Variants in C11orf58 observed in about 807,000 individuals in gnomAD.
C11orf58 encodes the protein chromosome 11 open reading frame 58, also known as small acidic protein.
C11orf58 carries 5 observed loss-of-function variants against 22.7 expected under a neutral mutation model. That is an observed-to-expected ratio of 0.22 (90% CI 0.12 to 0.46). C11orf58 has a LOEUF of 0.46. C11orf58 is among the 20% of genes least tolerant of loss of function. C11orf58 has a pLI of 0.99. For missense variants in C11orf58, 151 were observed against 223.3 expected (o/e 0.68, Z 2.06); for synonymous variants, 71 against 70.7 (o/e 1.00, Z -0.02).
intron 1 of C11orf58, among the ~76,000 whole-genome samples, chr11:16,741,273 A>C (rs1251171840): frequency 6.6e-6 from 1 of 152,198 alleles, no homozygotes; most frequent in Non-Finnish European, 1.5e-5. Flanking sequence ...ATACAACTCT[A>C]GAAAAACGCT....
At chr11:16,753,089 G>A (rs1251753359) in intron 4 of C11orf58, among the ~76,000 whole-genome samples, 195 bp downstream of exon 4, 1 of 152,054 alleles carries the variant, frequency 6.6e-6, no homozygotes, top group Non-Finnish European at 1.5e-5. Context: ...ATTTTGTGTG[G>A]GGTTGTTTTT....
intron 3 of C11orf58, chr11:16,750,977 A>C (rs561055778): frequency 6.6e-6 from 1 of 152,330 alleles, no homozygotes; most frequent in Non-Finnish European, 1.5e-5. Context: ...GATGTGCTTA[A>C]AATTTTCAAC....
intron 4 of C11orf58, among the ~76,000 whole-genome samples, chr11:16,753,287 C>G (rs1331387428): frequency 6.6e-6 from 1 of 151,386 alleles, no homozygotes; most frequent in East Asian, 2.0e-4. Context: ...AGGCTGGCCT[C>G]AAACTCCTGA....
At position 16,758,163 on chromosome 11, in the gene C11orf58, G is replaced by GT; in HGVS notation, c.*3060dup. The stretch of plus-strand genomic sequence containing the variant: ...TAGGGCGTAGTCTGTTTCCACCTCT[G>GT]TAAGTCCTATCTAGGCTTCCTGATC... On this transcript the variant is annotated 3_prime_UTR_variant, in exon 5 of 5. Transcript: ENST00000228136. 6.6e-6 allele frequency among the ~76,000 whole-genome samples: 1 copy of GT among 152,120 alleles called. No individual in the cohort carries two copies. Among genetic ancestry groups the GT allele is most frequent in the Admixed American group, 6.6e-5 (1 of 15,254 alleles).
Position 16,752,898 on chromosome 11 carries a change from G to C in C11orf58, c.318+4G>C. ...TTGTGGACTTGGCTTCAGTGAGGTAGTAATTAACTTATTTTCATTGGGAAG... is the reference window on the plus strand; with the variant it reads ...TTGTGGACTTGGCTTCAGTGAGGTACTAATTAACTTATTTTCATTGGGAAG... On this transcript the variant is annotated splice_donor_region_variant and intron_variant, in intron 4 of 4. Transcript: ENST00000228136. 1.3e-6 allele frequency: 2 copies of C among 1,591,428 alleles called. No individual in the cohort carries two copies. Among genetic ancestry groups the C allele is most frequent in the African/African-American group, 2.7e-5 (2 of 74,266 alleles).
Position 16,755,271 on chromosome 11 carries a change from G to A in C11orf58, c.*167G>A. On this transcript the variant is annotated 3_prime_UTR_variant, in exon 5 of 5. Coordinates refer to ENST00000228136, the MANE Select transcript of C11orf58 (RefSeq NM_014267.6). ...AATGCCATGGGTTACACTTTTATGG[G>A]CATGACTATAACCATTTTTGTAAAG... The A allele has an allele frequency of 1.3e-6, 1 of 744,788 alleles. No homozygotes were observed. The allele number at this position is 744,788 out of a possible 1,614,324, so 46.1% of individuals were successfully genotyped here. A position where few individuals can be genotyped will look rare whatever the true frequency, so the allele number is the denominator to read the frequency against.
intron 1 of C11orf58, among the ~76,000 whole-genome samples, chr11:16,743,266 A>G (rs1467844980): frequency 6.6e-6 from 1 of 152,128 alleles, no homozygotes; most frequent in Non-Finnish European, 1.5e-5. Flanking sequence ...TTTGATGCAT[A>G]AACATTGTAA....
In C11orf58 at chr11:16,738,720, T is replaced by C; in HGVS notation, c.-59T>C. The C allele has an allele frequency of 6.3e-7, 1 of 1,590,832 alleles. No homozygotes were observed. Reference sequence around the variant, plus strand: ...CCTTGGCGGATTGTAAGCTGCTGGTTTTGCGGCTGGGAAGAGCGGCGAGAG... The same window carrying C: ...CCTTGGCGGATTGTAAGCTGCTGGTCTTGCGGCTGGGAAGAGCGGCGAGAG... On this transcript the variant is annotated 5_prime_UTR_variant, in exon 1 of 5. Coordinates refer to ENST00000228136, the MANE Select transcript of C11orf58 (RefSeq NM_014267.6).
chr11:16,748,024 C>A, intron 2 of C11orf58, 73 bp from the exon 3 acceptor site: 1 of 1,158,840 alleles, frequency 8.6e-7, no homozygotes, highest in Non-Finnish European at 1.3e-6. Flanking sequence ...GAATAGTTTT[C>A]AGCACATAGT....
intron 1 of C11orf58, 30 bp downstream of exon 1, chr11:16,738,871 T>C (rs199644911): frequency 1.9e-6 from 3 of 1,613,130 alleles, no homozygotes; most frequent in Non-Finnish European, 2.5e-6. Context: ...TGGCTGAGGG[T>C]TGAGGCCTAC....
intron 1 of C11orf58, among the ~76,000 whole-genome samples, chr11:16,743,625 G>A (rs1238821815): frequency 6.6e-6 from 1 of 152,138 alleles, no homozygotes; most frequent in Non-Finnish European, 1.5e-5. Flanking sequence ...GAAAAATTGT[G>A]AATTCCCATC....
In C11orf58 at chr11:16,757,621, T is replaced by A. The variant is rs561113341; in HGVS notation, c.*2517T>A. Reference sequence around the variant, plus strand: ...TGTCTTGGTATCCATACTAAAAAAGTATCAGGAAAATAGATTATTTTTGTG... The same window carrying A: ...TGTCTTGGTATCCATACTAAAAAAGAATCAGGAAAATAGATTATTTTTGTG... On this transcript the variant is annotated 3_prime_UTR_variant, in exon 5 of 5. Coordinates refer to ENST00000228136, the MANE Select transcript of C11orf58 (RefSeq NM_014267.6). Among the ~76,000 whole-genome samples, 3 of 152,332 alleles carry A rather than the reference T, an allele frequency of 2.0e-5. No homozygotes were observed. The East Asian group carries it at 5.8e-4, about 29-fold the overall frequency.
At chr11:16,748,210 T>C in intron 3 of C11orf58, 53 bp downstream of exon 3, 6 of 1,384,448 alleles carry the variant, frequency 4.3e-6, no homozygotes, top group Non-Finnish European at 6.2e-6. Flanking sequence ...GAATATGAAG[T>C]ATGTGTTCAT....
intron 1 of C11orf58, among the ~76,000 whole-genome samples, chr11:16,741,787 G>C (rs970981687): frequency 6.6e-6 from 1 of 152,196 alleles, no homozygotes; most frequent in East Asian, 1.9e-4. Flanking sequence ...AATGCCAGAT[G>C]ATCTGTCATT....
chr11:16,754,541 CTCT>C (rs1848558974), intron 4 of C11orf58, among the ~76,000 whole-genome samples: 2 of 91,914 alleles, frequency 2.2e-5, no homozygotes, highest in Non-Finnish European at 4.6e-5. Context: ...CTCTCTCTCT[CTCT>C]CCCTTTTTTT....
Position 16,755,277 on chromosome 11 carries a change from C to G in C11orf58, c.*173C>G, listed in dbSNP as rs1423826531. 8 of 687,180 alleles carry G rather than the reference C, an allele frequency of 1.2e-5. No homozygotes were observed. The highest frequency in any genetic ancestry group is 1.9e-5 in the Non-Finnish European group (8 of 417,776). The allele number at this position is 687,180 out of a possible 1,614,324, so 42.6% of individuals were successfully genotyped here. ...ATGGGTTACACTTTTATGGGCATGA[C>G]TATAACCATTTTTGTAAAGAGTAAG... On this transcript the variant is annotated 3_prime_UTR_variant, in exon 5 of 5. Transcript: ENST00000228136.
intron 3 of C11orf58, chr11:16,749,332 A>G (rs774289937): frequency 4.6e-5 from 7 of 152,316 alleles, no homozygotes; most frequent in Admixed American, 2.0e-4. Flanking sequence ...TAGATCTTTT[A>G]TTTTTCTAGT....
intron 4 of C11orf58, chr11:16,754,175 G>A: frequency 2.5e-6 from 1 of 394,552 alleles, no homozygotes. Flanking sequence ...GTAATACAAT[G>A]TGCAAAACAT....
At position 16,743,902 on chromosome 11, in the gene C11orf58, G is replaced by A. The variant is rs772865437; in HGVS notation, c.64-699G>A. Reference sequence around the variant, plus strand: ...TCCATCATATTTCTTAGATTTATAAGAGTTCAGTGGACTCATTTGATAATT... The same window carrying A: ...TCCATCATATTTCTTAGATTTATAAAAGTTCAGTGGACTCATTTGATAATT... On this transcript the variant is annotated intron_variant, in intron 1 of 4. Coordinates refer to ENST00000228136, the MANE Select transcript of C11orf58 (RefSeq NM_014267.6). 7.2e-5 allele frequency among the ~76,000 whole-genome samples: 11 copies of A among 152,126 alleles called. No individual in the cohort carries two copies. The South Asian group carries it at 2.1e-3, about 29-fold the overall frequency.
Sources: allele counts gnomAD v4.1 joint callset (sites outside exome capture counted in the v4.1 genomes callset), GRCh38; gene constraint gnomAD v4.1.1; transcripts MANE v1.5; gene names NCBI Gene and HGNC (gene_info 2026-07-23, HGNC 2026-07-21).